Variants in NRXN1 observed in about 807,000 individuals in gnomAD.
NRXN1 encodes neurexin 1.
In NRXN1, 39 loss-of-function variants were observed where a neutral mutation model predicts 150.9. The ratio of observed to expected loss-of-function variants is 0.26; its 90% CI spans 0.20 to 0.34. NRXN1 has a LOEUF of 0.34. Among genes scored for constraint, NRXN1 ranks in the 10% least tolerant of loss-of-function variants. The pLI, the probability that NRXN1 is intolerant of heterozygous loss-of-function variation, is 1.00. For synonymous variants in NRXN1, 924 were observed against 757.0 expected (o/e 1.22, Z -3.62); for missense variants, 1,815 against 1,949.9 (o/e 0.93, Z 1.30).
intron 2 of NRXN1, among the ~76,000 whole-genome samples, chr2:50,986,152 A>G (rs571925161): frequency 1.3e-5 from 2 of 151,870 alleles, no homozygotes; most frequent in South Asian, 4.1e-4. Context: ...ACAGCAACAT[A>G]ATTCTCTCTC....
chr2:50,329,124 G>T (rs1159867581), intron 17 of NRXN1, among the ~76,000 whole-genome samples: 1 of 151,742 alleles, frequency 6.6e-6, no homozygotes, highest in African/African-American at 2.4e-5. Context: ...AAAATTAAAA[G>T]GTATGTAATT....
At chr2:50,724,611 G>C (rs1697092391) in intron 5 of NRXN1, among the ~76,000 whole-genome samples, 2 of 151,918 alleles carry the variant, frequency 1.3e-5, no homozygotes, top group African/African-American at 2.4e-5. Flanking sequence ...AACATTAGCT[G>C]GCTAGCTAAA....
rs886056159 is a variant in NRXN1, at chr2:49,919,658, G to T, written c.*2286C>A. 1 of 151,480 alleles carries T rather than the reference G, an allele frequency of 6.6e-6. No individual in the cohort carries two copies. The highest frequency in any genetic ancestry group is 1.5e-5 in the Non-Finnish European group (1 of 67,834). 9.4% of individuals were successfully genotyped at this position (151,480 alleles called of 1,614,324 possible). On this transcript the variant is annotated 3_prime_UTR_variant, in exon 23 of 23. Coordinates refer to ENST00000401669, the MANE Select transcript of NRXN1 (RefSeq NM_001330078.2). ...TAAGACTGAATGAGACGGGGGAAAA[G>T]AAAAGACTCGTGAATTATTTAATGT...
intron 2 of NRXN1, among the ~76,000 whole-genome samples, chr2:50,933,393 T>C (rs1688059527): frequency 6.6e-6 from 1 of 152,146 alleles, no homozygotes; most frequent in African/African-American, 2.4e-5. Context: ...AAAATATTAC[T>C]TTCATTCCCC....
chr2:50,874,720 GA>G, intron 5 of NRXN1, among the ~76,000 whole-genome samples: 1 of 151,718 alleles, frequency 6.6e-6, no homozygotes, highest in Non-Finnish European at 1.5e-5. Flanking sequence ...ACAATTAACA[GA>G]AAAAAGTTGA....
chr2:50,356,802 C>A (rs1464239386), intron 17 of NRXN1, among the ~76,000 whole-genome samples: 1 of 152,118 alleles, frequency 6.6e-6, no homozygotes, highest in Non-Finnish European at 1.5e-5. Flanking sequence ...GGTATTAAAA[C>A]AAAGCATATC....
Position 50,920,984 on chromosome 2 carries a change from G to A in NRXN1, c.832+885C>T, listed in dbSNP as rs530000226. On this transcript the variant is annotated intron_variant, in intron 5 of 22. Transcript: ENST00000401669. ...ATAAAGGTGCAGAACTGTGAACTGT[G>A]GTCCCAATTCACCAGATTAACACTG... Among the ~76,000 whole-genome samples the A allele has an allele frequency of 3.3e-5, 5 of 151,598 alleles. No homozygotes were observed. The South Asian group carries it at 1.0e-3, about 31-fold the overall frequency.
intron 5 of NRXN1, among the ~76,000 whole-genome samples, chr2:50,862,799 T>C (rs1224220064): frequency 6.6e-6 from 1 of 152,022 alleles, no homozygotes; most frequent in Non-Finnish European, 1.5e-5. Context: ...GGATTAGAAA[T>C]GGAAATGTGC....
intron 5 of NRXN1, among the ~76,000 whole-genome samples, chr2:50,633,875 G>A (rs953202853): frequency 3.3e-5 from 5 of 152,120 alleles, no homozygotes; most frequent in African/African-American, 9.7e-5. Context: ...GCAAAAGAGT[G>A]CAATGAGGGT....
At position 50,347,223 on chromosome 2, in the gene NRXN1, G is replaced by A. The variant is rs959277237; in HGVS notation, c.3365-110253C>T. On this transcript the variant is annotated intron_variant, in intron 17 of 22. Coordinates refer to ENST00000401669, the MANE Select transcript of NRXN1 (RefSeq NM_001330078.2). This position sits in a 1 kb window ranked among gnomAD's most constrained non-coding sequence, Gnocchi z 4.9. ...GGCAGCCCCGGGAACAGCAAGCGCGGAGCGGGTGGCTGCTCCCAGATTTCC... is the reference window on the plus strand; with the variant it reads ...GGCAGCCCCGGGAACAGCAAGCGCGAAGCGGGTGGCTGCTCCCAGATTTCC... 2 of 1,335,946 alleles carry A rather than the reference G, an allele frequency of 1.5e-6. No homozygotes were observed. The highest frequency in any genetic ancestry group is 3.0e-5 in the African/African-American group (2 of 67,206). 82.8% of individuals were successfully genotyped at this position (1,335,946 alleles called of 1,614,324 possible).
At chr2:50,095,398 G>A (rs1573881997) in intron 18 of NRXN1, among the ~76,000 whole-genome samples, 1 of 152,186 alleles carries the variant, frequency 6.6e-6, no homozygotes, top group Middle Eastern at 3.4e-3. Flanking sequence ...ATTGTTTTAG[G>A]GTCTCGTCTA....
At chr2:50,202,720 AT>A in intron 18 of NRXN1, among the ~76,000 whole-genome samples, 1 of 152,178 alleles carries the variant, frequency 6.6e-6, no homozygotes, top group African/African-American at 2.4e-5. Flanking sequence ...AATATAAAGT[AT>A]ATTAGGGGAG....
intron 17 of NRXN1, among the ~76,000 whole-genome samples, chr2:50,324,040 G>A (rs145585603): frequency 1.2e-4 from 18 of 152,184 alleles, no homozygotes; most frequent in Non-Finnish European, 2.5e-4. Flanking sequence ...GCCCGAGGAC[G>A]GGAAGGCTTT....
rs1674973165 is a variant in NRXN1, at chr2:50,854,483, T to C, written c.832+67386A>G. Among the ~76,000 whole-genome samples, 4 of 152,124 alleles carry C rather than the reference T, an allele frequency of 2.6e-5. No individual in the cohort carries two copies. The South Asian group carries it at 8.3e-4, about 31-fold the overall frequency. On this transcript the variant is annotated intron_variant, in intron 5 of 22. Transcript: ENST00000401669. ...AGTAAAGTACATTCCGTAGAGTACA[T>C]TCTGAATAGCAATAGCCTACCTTTA...
At chr2:50,797,726 C>T (rs1574507606) in intron 5 of NRXN1, among the ~76,000 whole-genome samples, 1 of 152,280 alleles carries the variant, frequency 6.6e-6, no homozygotes, top group Non-Finnish European at 1.5e-5. Flanking sequence ...GTACCTATTT[C>T]AATGTCAGAT....
chr2:50,986,740 A>T (rs1053509808), intron 2 of NRXN1, among the ~76,000 whole-genome samples: 2 of 150,986 alleles, frequency 1.3e-5, no homozygotes, highest in African/African-American at 2.4e-5. Flanking sequence ...AAATATTCAT[A>T]TTTTTTTTCC....
chr2:50,355,805 T>C (rs2078766013), intron 17 of NRXN1, among the ~76,000 whole-genome samples: 1 of 152,154 alleles, frequency 6.6e-6, no homozygotes, highest in Non-Finnish European at 1.5e-5. Flanking sequence ...GCAGAATAAA[T>C]GATGATCAAA....
intron 8 of NRXN1, among the ~76,000 whole-genome samples, chr2:50,580,806 C>A (rs567906499): frequency 1.5e-4 from 23 of 152,164 alleles, no homozygotes; most frequent in African/African-American, 4.1e-4. Flanking sequence ...GGCTTATTTC[C>A]ATGCTATGTT....
At chr2:50,861,216 G>A (rs1000019972) in intron 5 of NRXN1, among the ~76,000 whole-genome samples, 6 of 151,988 alleles carry the variant, frequency 3.9e-5, no homozygotes, top group African/African-American at 7.2e-5. Context: ...GCAAGGAAGT[G>A]CAGATCTTAT....
Sources: allele counts gnomAD v4.1 joint callset (sites outside exome capture counted in the v4.1 genomes callset), GRCh38; gene constraint gnomAD v4.1.1; non-coding constraint Gnocchi (gnomAD v3.1); transcripts MANE v1.5; gene names NCBI Gene and HGNC (gene_info 2026-07-23, HGNC 2026-07-21).